PDE4A: variants seen among roughly 807,000 people sequenced by gnomAD.
The protein encoded by PDE4A is 3',5'-cyclic-AMP phosphodiesterase 4A.
In PDE4A, 21 loss-of-function variants were observed where a neutral mutation model predicts 73.9. The ratio of observed to expected loss-of-function variants is 0.28; its 90% CI spans 0.20 to 0.41. The LOEUF is 0.41. PDE4A is among the 10% of genes least tolerant of loss of function. PDE4A has a pLI of 1.00. For missense variants in PDE4A, 958 were observed against 1,211.4 expected (o/e 0.79, Z 3.10); for synonymous variants, 463 against 505.4 (o/e 0.92, Z 1.13).
Position 10,450,900 on chromosome 19 carries a change from A to C in PDE4A, c.742A>C (p.Met248Leu). ...CTGGTGTCTGGAGCAGCTGGAGACC[A>C]TGCAGACCTATCGCTCTGTCAGCGA... is the stretch of plus-strand genomic sequence containing the variant. ...LDWCLEQLET[M>L]QTYRSVSEMA... Residue 248 changes from methionine to leucine, a missense_variant, in exon 6 of 15, where the codon ATG becomes CTG. Physicochemically the swap from Met to Leu is conservative, Grantham distance 15. Around this residue, in one of 3 missense-constraint regions of PDE4A, gnomAD observed 570 missense variants for 827.7 expected, o/e 0.69. Coordinates refer to ENST00000380702, the MANE Select transcript of PDE4A (RefSeq NM_001111307.2). 6.2e-7 allele frequency: 1 copy of C among 1,610,446 alleles called. No homozygotes were observed. The highest frequency in any genetic ancestry group is 8.5e-7 in the Non-Finnish European group (1 of 1,178,452).
At chr19:10,441,684 A>ATTTTTTTTTTT (rs1308151510) in intron 1 of PDE4A, among the ~76,000 whole-genome samples, 2 of 92,722 alleles carry the variant, frequency 2.2e-5, no homozygotes, top group Non-Finnish European at 4.2e-5. Context: ...ATTTTGAGTT[A>ATTTTTTTTTTT]TTTTTTTTTT....
chr19:10,449,326 G>T (rs915509724), intron 4 of PDE4A, among the ~76,000 whole-genome samples, 176 bp downstream of exon 4: 1 of 151,488 alleles, frequency 6.6e-6, no homozygotes, highest in African/African-American at 2.4e-5. Context: ...AGACACAGAG[G>T]TGTTTTTTGT....
intron 1 of PDE4A, among the ~76,000 whole-genome samples, chr19:10,429,199 T>G (rs1599404732): frequency 3.3e-4 from 34 of 104,178 alleles, no homozygotes; most frequent in African/African-American, 5.7e-4. Context: ...GGAAGGAAAA[T>G]AAGGAAAGGA....
chr19:10,453,041 G>C lies in PDE4A; in HGVS notation c.784-1788G>C, dbSNP rs888162334. 6 of 1,340,430 alleles carry C rather than the reference G, an allele frequency of 4.5e-6. No individual in the cohort carries two copies. The highest frequency in any genetic ancestry group is 2.8e-4 in the Middle Eastern group (1 of 3,556). 83.0% of individuals were successfully genotyped at this position (1,340,430 alleles called of 1,614,324 possible). On this transcript the variant is annotated intron_variant, in intron 6 of 14. Transcript: ENST00000380702. The surrounding 1 kb of genome is among the most constrained non-coding windows in gnomAD (Gnocchi z 4.6). Reference sequence around the variant, plus strand: ...CCGCCTCCACCCACTGCCGCGGGGGGGCCCGTTGGGGCCCAGGGCTGGCGG... The same window carrying C: ...CCGCCTCCACCCACTGCCGCGGGGGCGCCCGTTGGGGCCCAGGGCTGGCGG...
rs763628464 is a variant in PDE4A at position 10,458,595 on chromosome 19, A to C, written c.1101+493A>C. Among the ~76,000 whole-genome samples, 2 of 152,106 alleles carry C rather than the reference A, an allele frequency of 1.3e-5. No homozygotes were observed. The highest frequency in any genetic ancestry group is 2.4e-5 in the African/African-American group (1 of 41,434). ...CCTCCAGTGAATCTTCCATTCAGTC[A>C]CCTGGCCTTTAGTTATTTATTTTTA... On this transcript the variant is annotated intron_variant, in intron 8 of 14. Coordinates refer to ENST00000380702, the MANE Select transcript of PDE4A (RefSeq NM_001111307.2). The surrounding 1 kb of genome is among the most constrained non-coding windows in gnomAD (Gnocchi z 4.6).
At position 10,428,657 on chromosome 19, in the gene PDE4A, G is replaced by A. The variant is rs75814164; in HGVS notation, c.320+7573G>A. On this transcript the variant is annotated intron_variant, in intron 1 of 14. Transcript: ENST00000380702. ...GTGTCCATCCATGGGGTGAGTGGTAGTATTATACCCATTTTACAACTGGGG... is the reference window on the plus strand; with the variant it reads ...GTGTCCATCCATGGGGTGAGTGGTAATATTATACCCATTTTACAACTGGGG... 1.1e-3 allele frequency: 467 copies of A among 423,510 alleles called. 5 individuals are homozygous for A. The highest frequency in any genetic ancestry group is 9.6e-3 in the African/African-American group (445 of 46,452). 26.2% of individuals were successfully genotyped at this position (423,510 alleles called of 1,614,324 possible).
rs1382779582 is a variant in PDE4A, at chr19:10,420,759, G to A, written c.-6G>A. The stretch of plus-strand genomic sequence containing the variant: ...GCCCCCTGGGGCGCAAGTGGGGGCC[G>A]GCGCCATGGAACCCCCGACCGTCCC... On this transcript the variant is annotated 5_prime_UTR_variant, in exon 1 of 15. Transcript: ENST00000380702. The surrounding 1 kb of genome is among the most constrained non-coding windows in gnomAD (Gnocchi z 6.0). The A allele has an allele frequency of 1.3e-6, 2 of 1,553,906 alleles. No homozygotes were observed. Among genetic ancestry groups the A allele is most frequent in the Admixed American group, 1.9e-5 (1 of 53,158 alleles).
At chr19:10,462,937 T>C (rs1951222586) in intron 13 of PDE4A, among the ~76,000 whole-genome samples, 1 of 152,338 alleles carries the variant, frequency 6.6e-6, no homozygotes, top group East Asian at 1.9e-4. Context: ...CTCACGCCTA[T>C]AATCTCAACT....
chr19:10,427,849 C>T (rs2042736797), intron 1 of PDE4A: 1 of 985,250 alleles, frequency 1.0e-6, no homozygotes, highest in South Asian at 4.7e-5. Flanking sequence ...AAATGCATTT[C>T]TGGGACAGGT....
chr19:10,426,377 T>C (rs1408704542), intron 1 of PDE4A, among the ~76,000 whole-genome samples: 1 of 152,058 alleles, frequency 6.6e-6, no homozygotes, highest in Non-Finnish European at 1.5e-5. Flanking sequence ...CAACACAAAT[T>C]CGTAAACTTT....
intron 1 of PDE4A, among the ~76,000 whole-genome samples, chr19:10,444,004 C>A (rs865959934): frequency 5.1e-3 from 572 of 113,216 alleles, no homozygotes; most frequent in African/African-American, 5.2e-3. Flanking sequence ...AAGACTGTCT[C>A]AAAAAAAAAA....
At chr19:10,451,073 G>A in intron 6 of PDE4A, 132 bp downstream of exon 6, 2 of 877,780 alleles carry the variant, frequency 2.3e-6, no homozygotes, top group Non-Finnish European at 3.5e-6. Context: ...TCCTGTGGGC[G>A]GAGATAGCTA....
chr19:10,432,193 A>AGGG (rs2042800941), intron 1 of PDE4A, among the ~76,000 whole-genome samples: 1 of 88,716 alleles, frequency 1.1e-5, no homozygotes, highest in Non-Finnish European at 2.3e-5. Flanking sequence ...GGGGGGGGGA[A>AGGG]GTGTGCGTCC....
chr19:10,451,001 G>C (rs377541220), intron 6 of PDE4A, 60 bp downstream of exon 6: 3 of 1,498,282 alleles, frequency 2.0e-6, no homozygotes, highest in African/African-American at 2.8e-5. Flanking sequence ...CCAGTGGGTA[G>C]AGCCAACCGC....
At position 10,455,947 on chromosome 19, in the gene PDE4A, G is replaced by A. The variant is rs915892101; in HGVS notation, c.877+1025G>A. ...AACTTAAGGGAAGTTCTGTGCTTCC[G>A]AGTCCACAAAAGGCCCCCCAACTTT... On this transcript the variant is annotated intron_variant, in intron 7 of 14. Transcript: ENST00000380702. 2.6e-5 allele frequency among the ~76,000 whole-genome samples: 4 copies of A among 151,772 alleles called. No homozygotes were observed. In the South Asian group the frequency reaches 8.3e-4, roughly 31 times the overall value.
At position 10,453,478 on chromosome 19, in the gene PDE4A, C is replaced by T. The variant is rs985765789; in HGVS notation, c.784-1351C>T. The T allele has an allele frequency of 1.3e-5, 13 of 1,012,830 alleles. No homozygotes were observed. The highest frequency in any genetic ancestry group is 7.4e-5 in the South Asian group (4 of 54,170). The allele number at this position is 1,012,830 out of a possible 1,614,324, so 62.7% of individuals were successfully genotyped here. On this transcript the variant is annotated intron_variant, in intron 6 of 14. Transcript: ENST00000380702. The surrounding 1 kb of genome is among the most constrained non-coding windows in gnomAD (Gnocchi z 4.6). The stretch of plus-strand genomic sequence containing the variant: ...GTGGCCCAGGGCTGGGCGTGGATGG[C>T]GGGCAGCTGGGGGTGTGTGACTCTC...
chr19:10,428,380 GA>G (rs2042744667), intron 1 of PDE4A, among the ~76,000 whole-genome samples: 1 of 151,148 alleles, frequency 6.6e-6, no homozygotes, highest in African/African-American at 2.4e-5. Context: ...GAGAGAGAGA[GA>G]GAGAGAGAGA....
At chr19:10,432,717 C>G in intron 1 of PDE4A, 1 of 698,848 alleles carries the variant, frequency 1.4e-6, no homozygotes, top group Non-Finnish European at 2.3e-6. Flanking sequence ...TTTCCTGGCT[C>G]TAAAGGCCTG....
chr19:10,455,607 C>T (rs915327515), intron 7 of PDE4A, among the ~76,000 whole-genome samples: 2 of 152,038 alleles, frequency 1.3e-5, no homozygotes, highest in African/African-American at 2.4e-5. Context: ...GCGTTCCAGC[C>T]TGGGCAATAG....
Sources: allele counts gnomAD v4.1 joint callset (sites outside exome capture counted in the v4.1 genomes callset), GRCh38; gene constraint gnomAD v4.1.1; regional missense constraint gnomAD v4.1.1; non-coding constraint Gnocchi (gnomAD v3.1); transcripts MANE v1.5; gene names NCBI Gene and HGNC (gene_info 2026-07-23, HGNC 2026-07-21).